Variants in PPP4R3B observed in about 807,000 individuals in gnomAD.
PPP4R3B encodes protein phosphatase 4 regulatory subunit 3B, also known as serine/threonine-protein phosphatase 4 regulatory subunit 3B.
In PPP4R3B, 52 loss-of-function variants were observed where a neutral mutation model predicts 95.4. The ratio of observed to expected loss-of-function variants is 0.54; its 90% CI spans 0.44 to 0.69. The LOEUF (loss-of-function observed/expected upper bound fraction) is 0.69. Ranked by LOEUF, PPP4R3B falls within the 30% of genes least tolerant of loss-of-function variation. The probability of loss-of-function intolerance (pLI) is 0.00; values close to 1 mark genes in which losing one functional copy is unlikely to be tolerated. For missense variants in PPP4R3B, 1,003 were observed against 1,005.9 expected (o/e 1.00, Z 0.04); for synonymous variants, 407 against 343.9 (o/e 1.18, Z -2.03).
intron 4 of PPP4R3B, among the ~76,000 whole-genome samples, chr2:55,590,832 T>A (rs1690908864): frequency 6.6e-6 from 1 of 152,184 alleles, no homozygotes; most frequent in Non-Finnish European, 1.5e-5. Context: ...ATCCCTTAAA[T>A]CCTTTTTGAA....
chr2:55,576,062 C>G (rs1341818441), intron 11 of PPP4R3B, among the ~76,000 whole-genome samples: 2 of 152,028 alleles, frequency 1.3e-5, no homozygotes, highest in African/African-American at 2.4e-5. Context: ...AAAACCAATT[C>G]CTGGCCAGGT....
chr2:55,574,963 A>C (rs1574758855), intron 11 of PPP4R3B, among the ~76,000 whole-genome samples: 4 of 117,300 alleles, frequency 3.4e-5, no homozygotes, highest in Admixed American at 3.2e-4. Context: ...TTTGAGACGG[A>C]GTCTCACTCT....
chr2:55,590,152 ACC>A (rs1469184027), intron 4 of PPP4R3B, among the ~76,000 whole-genome samples: 1 of 149,786 alleles, frequency 6.7e-6, no homozygotes, highest in African/African-American at 2.5e-5. Context: ...ACATGGAGAA[ACC>A]CCGTCTCCAC....
chr2:55,608,857 C>T (rs1200370437), intron 2 of PPP4R3B, among the ~76,000 whole-genome samples: 5 of 152,028 alleles, frequency 3.3e-5, no homozygotes, highest in African/African-American at 1.2e-4. Context: ...TGGTGGTATG[C>T]GCCTGCAGTC....
At chr2:55,576,620 T>G (rs1198988327) in intron 11 of PPP4R3B, among the ~76,000 whole-genome samples, 1 of 151,300 alleles carries the variant, frequency 6.6e-6, no homozygotes, top group Non-Finnish European at 1.5e-5. Context: ...AAGAATCGCT[T>G]GAACTCAGGA....
rs144077114 is a variant in PPP4R3B, at chr2:55,609,061, T to G, written c.199-4985A>C. On this transcript the variant is annotated intron_variant, in intron 2 of 16. Coordinates refer to ENST00000616407, the MANE Select transcript of PPP4R3B (RefSeq NM_001122964.3). ...ACTCGATGAGGTATTTCTGGATGAA[T>G]GAATATATGTGGTCAGATCAACAAG... Among the ~76,000 whole-genome samples, 33 of 152,358 alleles carry G rather than the reference T, an allele frequency of 2.2e-4. No homozygotes were observed. The East Asian group carries it at 6.2e-3, about 28-fold the overall frequency.
At chr2:55,608,015 CTTT>C (rs887061087) in intron 2 of PPP4R3B, among the ~76,000 whole-genome samples, 7 of 151,932 alleles carry the variant, frequency 4.6e-5, no homozygotes, top group Admixed American at 6.6e-5. Context: ...TTTTGCTCTT[CTTT>C]TTTTTGATAC....
In PPP4R3B at chr2:55,574,938, T is replaced by C. The variant is rs1033871669; in HGVS notation, c.1607-1161A>G. On this transcript the variant is annotated intron_variant, in intron 11 of 16. Transcript: ENST00000616407. ...AATATAATTTCATATACAACTTCTT[T>C]TTTTTTTTTTTTTTTTTGAGACGGA... Among the ~76,000 whole-genome samples, 4 of 88,378 alleles carry C rather than the reference T, an allele frequency of 4.5e-5. No homozygotes were observed. The East Asian group carries it at 1.1e-3, about 24-fold the overall frequency. 58.0% of individuals were successfully genotyped at this position (88,378 alleles called of 152,430 possible). A position where few individuals can be genotyped will look rare whatever the true frequency, so the allele number is the denominator to read the frequency against.
At chr2:55,579,402 A>AT (rs1689133999) in intron 9 of PPP4R3B, among the ~76,000 whole-genome samples, 1 of 888 alleles carries the variant, frequency 1.1e-3, no homozygotes, top group African/African-American at 4.2e-3. Context: ...TGTTTGCCAC[A>AT]TTTTCTTTTT....
At chr2:55,577,390 T>C in intron 10 of PPP4R3B, 34 bp from the exon 11 acceptor site, 1 of 1,406,062 alleles carries the variant, frequency 7.1e-7, no homozygotes, top group Non-Finnish European at 9.3e-7. Context: ...AATAAAATAC[T>C]TCAGTAATAA....
intron 4 of PPP4R3B, among the ~76,000 whole-genome samples, chr2:55,589,537 C>T (rs374110389): frequency 6.6e-6 from 1 of 152,322 alleles, no homozygotes; most frequent in South Asian, 2.1e-4. Context: ...ACAATAACTG[C>T]TTTTCATACT....
At chr2:55,586,781 G>C (rs1690203809) in intron 5 of PPP4R3B, 47 bp from the exon 6 acceptor site, 6 of 1,153,936 alleles carry the variant, frequency 5.2e-6, no homozygotes, top group Non-Finnish European at 7.7e-6. Context: ...CATAAACTTG[G>C]GGCACACTAT....
At chr2:55,566,151 T>G (rs527368498) in intron 13 of PPP4R3B, among the ~76,000 whole-genome samples, 1 of 152,346 alleles carries the variant, frequency 6.6e-6, no homozygotes, top group South Asian at 2.1e-4. Context: ...ACAGGTCATT[T>G]CTTGAAAAGA....
chr2:55,592,685 T>C (rs1406848294), intron 4 of PPP4R3B, among the ~76,000 whole-genome samples: 2 of 152,170 alleles, frequency 1.3e-5, no homozygotes, highest in East Asian at 3.8e-4. Flanking sequence ...GCTTAACTCT[T>C]ACCTATGGAA....
intron 16 of PPP4R3B, among the ~76,000 whole-genome samples, chr2:55,554,456 T>C (rs1005996404): frequency 3.3e-5 from 5 of 152,258 alleles, no homozygotes; most frequent in African/African-American, 1.2e-4. Flanking sequence ...TCCTAGAGGA[T>C]GTGAAATGCT....
intron 13 of PPP4R3B, among the ~76,000 whole-genome samples, chr2:55,567,321 C>G (rs377432017): frequency 1.3e-5 from 2 of 152,116 alleles, no homozygotes; most frequent in Non-Finnish European, 2.9e-5. Context: ...CTATAAAATA[C>G]GGTAATTGGA....
intron 11 of PPP4R3B, 83 bp downstream of exon 11, chr2:55,577,232 T>C (rs1688802950): frequency 4.8e-6 from 7 of 1,448,336 alleles, no homozygotes; most frequent in Non-Finnish European, 6.4e-6. Flanking sequence ...ATGCTTTTCT[T>C]AGCCTTATAT....
In PPP4R3B at chr2:55,585,164, T is replaced by G. The variant is rs765984975; in HGVS notation, c.1120A>C (p.Met374Leu). Residue 374 changes from methionine (M) to leucine (L), a missense_variant, in exon 7 of 17, where the codon ATG becomes CTG. Coordinates refer to ENST00000616407, the MANE Select transcript of PPP4R3B (RefSeq NM_001122964.3). The part of the protein sequence containing the change: ...ILPALEIVMG[M>L]DDLQVRSAAT... ...GCTGATCTGACTTGCAAATCATCCA[T>G]GCCCTGATAAAAGGAAAATTAGGTT... 6.3e-7 allele frequency: 1 copy of G among 1,594,358 alleles called. No individual in the cohort carries two copies. Among genetic ancestry groups the G allele is most frequent in the Non-Finnish European group, 8.5e-7 (1 of 1,173,536 alleles).
intron 16 of PPP4R3B, among the ~76,000 whole-genome samples, chr2:55,556,631 T>TA (rs1300693051): frequency 6.9e-6 from 1 of 143,956 alleles, no homozygotes; most frequent in African/African-American, 2.9e-5. Context: ...TTACTTTGAT[T>TA]TAAAAAAAAA....
Sources: gnomAD v4.1 joint callset for allele counts (sites outside exome capture counted in the v4.1 genomes callset) on GRCh38, gnomAD v4.1.1 for gene constraint, MANE v1.5 for transcripts, NCBI Gene and HGNC (gene_info 2026-07-23, HGNC 2026-07-21) for gene names.